The following NRXN1 variants were observed in gnomAD, a reference collection of about 807,000 sequenced individuals.
NRXN1 encodes neurexin 1.
NRXN1 carries 39 observed loss-of-function variants against 150.9 expected under a neutral mutation model. The observed-to-expected ratio is 0.26, with a 90% CI of 0.20 to 0.34. The LOEUF is 0.34. Ranked by LOEUF, NRXN1 falls within the 10% of genes least tolerant of loss-of-function variation. NRXN1 has a pLI of 1.00. For missense variants in NRXN1, 1,815 were observed against 1,949.9 expected, an observed-to-expected ratio of 0.93 and a Z score of 1.30; for synonymous variants, 924 against 757.0, an observed-to-expected ratio of 1.22 and a Z score of -3.62.
chr2:49,991,987 A>G (rs574657321), intron 21 of NRXN1, among the ~76,000 whole-genome samples: 5 of 152,360 alleles, frequency 3.3e-5, no homozygotes, highest in African/African-American at 1.2e-4. Context: ...ATAATAAAGC[A>G]AAGATAGTCT....
At chr2:50,528,274 C>A in intron 12 of NRXN1, among the ~76,000 whole-genome samples, 2 of 151,278 alleles carry the variant, frequency 1.3e-5, no homozygotes. Context: ...AAGATAAAGA[C>A]AAAAGAAAAT....
At chr2:50,828,314 G>GC (rs1670808354) in intron 5 of NRXN1, among the ~76,000 whole-genome samples, 1 of 434 alleles carries the variant, frequency 2.3e-3, no homozygotes, top group African/African-American at 6.3e-3. Flanking sequence ...GGCTGGCCGG[G>GC]AGGGGGCTGA....
chr2:50,421,402 C>T (rs538266237), intron 17 of NRXN1, among the ~76,000 whole-genome samples: 1 of 152,144 alleles, frequency 6.6e-6, no homozygotes, highest in South Asian at 2.1e-4. Context: ...AAAGTAAGGC[C>T]TTTCTTTTGA....
chr2:49,937,808 T>C (rs577347154), intron 22 of NRXN1, among the ~76,000 whole-genome samples: 2 of 151,970 alleles, frequency 1.3e-5, no homozygotes, highest in South Asian at 4.2e-4. Flanking sequence ...AATTACATAA[T>C]AAATAACACA....
intron 18 of NRXN1, among the ~76,000 whole-genome samples, chr2:50,095,807 T>C (rs1700139236): frequency 6.6e-6 from 1 of 151,526 alleles, no homozygotes; most frequent in African/African-American, 2.4e-5. Context: ...TTTATTATAC[T>C]TTAATTTCTA....
intron 18 of NRXN1, among the ~76,000 whole-genome samples, chr2:50,192,990 A>C (rs1441941681): frequency 6.6e-6 from 1 of 152,096 alleles, no homozygotes; most frequent in Non-Finnish European, 1.5e-5. Flanking sequence ...TGTGTATATT[A>C]CTCTTTAAAC....
At chr2:50,007,432 C>T (rs1047065972) in intron 21 of NRXN1, among the ~76,000 whole-genome samples, 2 of 152,054 alleles carry the variant, frequency 1.3e-5, no homozygotes, top group Non-Finnish European at 2.9e-5. Context: ...CTCCCTGTGT[C>T]CATATCTTCT....
At chr2:50,750,620 CCTTCTGTGCTTGGCT>C (rs1369781435) in intron 5 of NRXN1, among the ~76,000 whole-genome samples, 1 of 151,852 alleles carries the variant, frequency 6.6e-6, no homozygotes, top group Non-Finnish European at 1.5e-5. Context: ...CCAAAGAATT[CCTTCTGTGCTTGGCT>C]CAGCAGCGTT....
At chr2:50,173,680 G>A (rs989356488) in intron 18 of NRXN1, among the ~76,000 whole-genome samples, 4 of 152,062 alleles carry the variant, frequency 2.6e-5, no homozygotes, top group African/African-American at 9.7e-5. Flanking sequence ...TTCCTGCTGT[G>A]TATTTTATAC....
intron 2 of NRXN1, among the ~76,000 whole-genome samples, chr2:50,997,321 C>T (rs1169324661): frequency 6.6e-6 from 1 of 151,944 alleles, no homozygotes; most frequent in Non-Finnish European, 1.5e-5. Context: ...GTAGTCCCAG[C>T]TGCCATTGCA....
intron 5 of NRXN1, among the ~76,000 whole-genome samples, chr2:50,794,941 C>A (rs979994219): frequency 6.6e-6 from 1 of 152,090 alleles, no homozygotes; most frequent in Non-Finnish European, 1.5e-5. Context: ...CATCAAATCA[C>A]TTTCATAAAT....
chr2:50,895,626 G>A (rs1285570858), intron 5 of NRXN1, among the ~76,000 whole-genome samples: 2 of 151,296 alleles, frequency 1.3e-5, no homozygotes, highest in East Asian at 2.0e-4. Flanking sequence ...TGTTGTCCAG[G>A]CTGGAGTGAA....
chr2:51,027,625 A>G lies in NRXN1; in HGVS notation c.649T>C (p.Cys217Arg). 1 of 1,584,446 alleles carries G rather than the reference A, an allele frequency of 6.3e-7. No homozygotes were observed. The highest frequency in any genetic ancestry group is 2.3e-5 in the East Asian group (1 of 42,820). Residue 217 changes from cysteine (C) to arginine (R), a missense_variant, in exon 2 of 23, where the codon TGC becomes CGC. Physicochemically the swap from Cys to Arg is radical, Grantham distance 180. This residue lies in a region of NRXN1 where 554 missense variants were observed against 478.8 expected (regional missense o/e 1.16). Coordinates refer to ENST00000401669, the MANE Select transcript of NRXN1 (RefSeq NM_001330078.2). ...CCCTCGCCCTCCTCGCCCGCCTCGC[A>G]CGGGCTTCCCCCGCCGCTGTTGGGC... ...EPPNSGGGSP[C>R]EAGEEGEGGV...
chr2:50,786,832 A>C (rs1161973076), intron 5 of NRXN1, among the ~76,000 whole-genome samples: 2 of 152,140 alleles, frequency 1.3e-5, no homozygotes, highest in African/African-American at 4.8e-5. Context: ...CCCTCAAATT[A>C]GCTTAGTCAA....
chr2:49,935,291 C>T (rs1670837065), intron 22 of NRXN1, among the ~76,000 whole-genome samples: 1 of 152,124 alleles, frequency 6.6e-6, no homozygotes, highest in Non-Finnish European at 1.5e-5. Flanking sequence ...GATTTGAACA[C>T]AGGCATTGGG....
At chr2:50,918,136 A>G (rs1420346586) in intron 5 of NRXN1, 1 of 151,782 alleles carries the variant, frequency 6.6e-6, no homozygotes, top group Non-Finnish European at 1.5e-5. Context: ...ACTCTTCACA[A>G]AGAGAATAAG....
chr2:49,978,536 G>A (rs1679402419), intron 21 of NRXN1, among the ~76,000 whole-genome samples: 1 of 152,072 alleles, frequency 6.6e-6, no homozygotes, highest in Non-Finnish European at 1.5e-5. Context: ...GGTGTTCAGG[G>A]TTAGTGCAGC....
chr2:50,112,519 C>T (rs565765318), intron 18 of NRXN1, among the ~76,000 whole-genome samples: 174 of 152,348 alleles, frequency 1.1e-3, no homozygotes, highest in African/African-American at 4.1e-3. Flanking sequence ...TGCATTCTCG[C>T]TCTCTCTCAC....
intron 8 of NRXN1, among the ~76,000 whole-genome samples, chr2:50,612,577 A>G (rs905440506): frequency 6.6e-6 from 1 of 152,134 alleles, no homozygotes; most frequent in African/African-American, 2.4e-5. Flanking sequence ...TTAATATGTT[A>G]TTATTATGCT....
Sources: gnomAD v4.1 joint callset for allele counts (sites outside exome capture counted in the v4.1 genomes callset) on GRCh38, gnomAD v4.1.1 for gene constraint, gnomAD v4.1.1 regional missense constraint, MANE v1.5 for transcripts, NCBI Gene and HGNC (gene_info 2026-07-23, HGNC 2026-07-21) for gene names.